SLC75A1: variants seen among roughly 807,000 people sequenced by gnomAD.
SLC75A1 encodes the protein major facilitator superfamily domain containing 10.
At chr4:2,932,173 G>A in the SLC75A1 span, 3 of 1,587,958 alleles carry the variant, frequency 1.9e-6, no homozygotes, top group South Asian at 2.3e-5. Flanking sequence ...TGGCATTGGA[G>A]AGCCTGCAGG....
chr4:2,933,983 G>A, the SLC75A1 span: 6 of 1,502,648 alleles, frequency 4.0e-6, no homozygotes, highest in Middle Eastern at 2.3e-4. Context: ...CGGGGAAGCC[G>A]AGTCCTCCGG....
At chr4:2,934,233 C>G in the SLC75A1 span, 1 of 372,910 alleles carries the variant, frequency 2.7e-6, no homozygotes, top group Non-Finnish European at 4.9e-6. Flanking sequence ...GGCCGCGCCT[C>G]CCACGCCCTC....
chr4:2,933,029 C>G, the SLC75A1 span: 1 of 1,430,864 alleles, frequency 7.0e-7, no homozygotes, highest in Non-Finnish European at 9.7e-7. Flanking sequence ...CCACCTCCCT[C>G]TCCCCACCTA....
At chr4:2,931,000 T>C in the SLC75A1 span, 1 of 1,612,284 alleles carries the variant, frequency 6.2e-7, no homozygotes, top group East Asian at 2.2e-5. Context: ...GGGCTGGCAC[T>C]TGGGAGGCGA....
chr4:2,934,799 T>G, the SLC75A1 span: 4 of 143,472 alleles, frequency 2.8e-5, no homozygotes, highest in Admixed American at 1.4e-4. Context: ...GGACGGACGG[T>G]CGCACAGACG....
chr4:2,934,174 TGA>T, the SLC75A1 span: 1 of 564,842 alleles, frequency 1.8e-6, no homozygotes, highest in Non-Finnish European at 3.2e-6. Context: ...GCAACGGTCC[TGA>T]GAGACCAGGG....
At chr4:2,931,316 G>A in the SLC75A1 span, 5 of 1,547,444 alleles carry the variant, frequency 3.2e-6, no homozygotes, top group East Asian at 2.4e-5. Context: ...GCCCAGGGGA[G>A]GGTGCATCAC....
chr4:2,930,612 A>T, the SLC75A1 span: 1 of 588,424 alleles, frequency 1.7e-6, no homozygotes, highest in South Asian at 2.1e-5. Context: ...CCTGGTGCAT[A>T]GTTTAAAAAA....
At chr4:2,933,031 C>T in the SLC75A1 span, 6 of 1,435,286 alleles carry the variant, frequency 4.2e-6, no homozygotes, top group Non-Finnish European at 5.8e-6. Context: ...ACCTCCCTCT[C>T]CCCACCTAAC....
chr4:2,931,623 T>A, the SLC75A1 span: 14 of 1,613,480 alleles, frequency 8.7e-6, no homozygotes, highest in Non-Finnish European at 1.2e-5. Context: ...ATGGTGGCCA[T>A]GGTGAGGCCG....
At chr4:2,933,076 C>A in the SLC75A1 span, 1 of 1,602,824 alleles carries the variant, frequency 6.2e-7, no homozygotes, top group Non-Finnish European at 8.5e-7. Flanking sequence ...GAGGAGGCTT[C>A]CCCATGGGCA....
the SLC75A1 span, chr4:2,930,898 C>CA: frequency 1.9e-6 from 3 of 1,613,040 alleles, no homozygotes. Context: ...AGAAGGGGAG[C>CA]AAAAAGAGCC....
chr4:2,930,945 G>C, the SLC75A1 span: 2 of 1,613,082 alleles, frequency 1.2e-6, no homozygotes, highest in Non-Finnish European at 1.7e-6. Flanking sequence ...GCCCCGGCCA[G>C]CCAGTACACT....
At chr4:2,933,849 G>A in the SLC75A1 span, 4 of 1,588,766 alleles carry the variant, frequency 2.5e-6, no homozygotes, top group South Asian at 4.5e-5. Context: ...AGACAACGGT[G>A]ACCACGCGGC....
the SLC75A1 span, chr4:2,933,320 C>G: frequency 3.5e-6 from 4 of 1,127,776 alleles, no homozygotes; most frequent in East Asian, 1.0e-4. Flanking sequence ...ATGCTGGGCC[C>G]TACACTCACA....
the SLC75A1 span, chr4:2,930,938 C>T: frequency 6.2e-7 from 1 of 1,613,014 alleles, no homozygotes; most frequent in Non-Finnish European, 8.5e-7. Flanking sequence ...GGCCTGGGCC[C>T]CGGCCAGCCA....
the SLC75A1 span, chr4:2,933,636 C>T: frequency 7.4e-6 from 12 of 1,613,732 alleles, no homozygotes; most frequent in African/African-American, 6.7e-5. Context: ...CAGTCCACCC[C>T]GCCCTGCCAG....
chr4:2,931,561 C>T, the SLC75A1 span: 109 of 1,612,220 alleles, frequency 6.8e-5, 2 homozygotes, highest in African/African-American at 1.2e-3. Flanking sequence ...CTACCCGCTT[C>T]ACGGCAGCAA....
chr4:2,932,707 C>T, the SLC75A1 span: 1 of 1,602,202 alleles, frequency 6.2e-7, no homozygotes, highest in Non-Finnish European at 8.5e-7. Context: ...GCCAGGAAGG[C>T]CGCAAAGCTC....
Sources: allele counts gnomAD v4.1 joint callset, GRCh38; gene constraint gnomAD v4.1.1; transcripts MANE v1.5; gene names NCBI Gene and HGNC (gene_info 2026-07-23, HGNC 2026-07-21).